NCOR1: variants seen among roughly 807,000 people sequenced by gnomAD.
NCOR1 encodes protein phosphatase 1, regulatory subunit 109.
In NCOR1, 63 loss-of-function variants were observed where a neutral mutation model predicts 288.1. The observed-to-expected ratio is 0.22, with a 90% CI of 0.18 to 0.27. The LOEUF (loss-of-function observed/expected upper bound fraction) is 0.27, where lower values mean the gene tolerates loss of function less well. Among genes scored for constraint, NCOR1 ranks in the 10% least tolerant of loss-of-function variants. The pLI is 1.00. For synonymous variants in NCOR1, 1,007 were observed against 1,065.9 expected (o/e 0.94, Z 1.08); for missense variants, 2,397 against 3,019.2 (o/e 0.79, Z 4.83).
intron 1 of NCOR1, among the ~76,000 whole-genome samples, chr17:16,199,732 G>C (rs181052558): frequency 2.0e-4 from 30 of 152,258 alleles, no homozygotes; most frequent in Admixed American, 2.6e-4. Context: ...TAGTTACATG[G>C]TTGACTCATG....
At chr17:16,088,444 A>T (rs1207662108) in intron 22 of NCOR1, among the ~76,000 whole-genome samples, 1 of 152,102 alleles carries the variant, frequency 6.6e-6, no homozygotes, top group Non-Finnish European at 1.5e-5. Flanking sequence ...CTGTGTAATA[A>T]TTTTTTCTGA....
chr17:16,065,115 T>G, intron 33 of NCOR1, 96 bp from the exon 34 acceptor site: 71 of 1,099,378 alleles, frequency 6.5e-5, no homozygotes, highest in Non-Finnish European at 8.5e-5. Flanking sequence ...GAATCAAGGG[T>G]AATTTGTACA....
chr17:16,186,423 A>G, intron 3 of NCOR1, 131 bp downstream of exon 3: 1 of 954,700 alleles, frequency 1.0e-6, no homozygotes, highest in Non-Finnish European at 1.5e-6. Context: ...CCAACAAAAA[A>G]GAACTCAAAA....
intron 33 of NCOR1, 126 bp from the exon 34 acceptor site, chr17:16,065,145 T>C: frequency 1.1e-6 from 1 of 888,746 alleles, no homozygotes; most frequent in East Asian, 2.7e-5. Flanking sequence ...TAAAAATGTT[T>C]ACTATCATCA....
At chr17:16,190,003 C>A (rs1337984088) in intron 2 of NCOR1, among the ~76,000 whole-genome samples, 1 of 152,168 alleles carries the variant, frequency 6.6e-6, no homozygotes, top group African/African-American at 2.4e-5. Flanking sequence ...GAGGGCAAGG[C>A]AGGACAGCTT....
intron 30 of NCOR1, among the ~76,000 whole-genome samples, chr17:16,071,028 C>T (rs1257863730): frequency 6.6e-6 from 1 of 152,048 alleles, no homozygotes; most frequent in Non-Finnish European, 1.5e-5. Context: ...CGCCTGTGAT[C>T]CCAGCACTTT....
intron 21 of NCOR1, among the ~76,000 whole-genome samples, chr17:16,092,993 C>T (rs988896329): frequency 2.0e-5 from 3 of 151,918 alleles, no homozygotes; most frequent in East Asian, 1.9e-4. Flanking sequence ...TATGAGCCAC[C>T]GTGCCTGGCA....
At position 16,176,465 on chromosome 17, in the gene NCOR1, C is replaced by T. The variant is rs548357987; in HGVS notation, c.243-4470G>A. The stretch of plus-strand genomic sequence containing the variant: ...TATATTTTTAGTAGAGACAGGGTTT[C>T]GCCATGTTGGCCAGGCTGGTCTCGA... On this transcript the variant is annotated intron_variant, in intron 3 of 45. Coordinates refer to ENST00000268712, the MANE Select transcript of NCOR1 (RefSeq NM_006311.4). Among the ~76,000 whole-genome samples the T allele has an allele frequency of 4.6e-5, 7 of 152,108 alleles. No individual in the cohort carries two copies. In the South Asian group the frequency reaches 8.3e-4, roughly 18 times the overall value.
At chr17:16,046,073 A>G (rs528862118) in intron 42 of NCOR1, among the ~76,000 whole-genome samples, 4 of 152,294 alleles carry the variant, frequency 2.6e-5, no homozygotes, top group Non-Finnish European at 5.9e-5. Context: ...TTGGCCTCCC[A>G]AAGTGTTGAG....
chr17:16,151,208 T>A (rs530144031), intron 8 of NCOR1, among the ~76,000 whole-genome samples: 45 of 120,046 alleles, frequency 3.7e-4, no homozygotes, highest in African/African-American at 1.1e-3. Context: ...TAATTTTTTT[T>A]TTAAAAAAAA....
At chr17:16,083,096 G>A (rs993940895) in intron 23 of NCOR1, among the ~76,000 whole-genome samples, 2 of 152,016 alleles carry the variant, frequency 1.3e-5, no homozygotes, top group African/African-American at 2.4e-5. Context: ...AGCCAGACAG[G>A]GTGGCGTGCA....
chr17:16,155,931 C>T (rs1379275439), intron 6 of NCOR1, among the ~76,000 whole-genome samples: 1 of 152,176 alleles, frequency 6.6e-6, no homozygotes, highest in Non-Finnish European at 1.5e-5. Context: ...TGCTCTCCTC[C>T]TCCCCTCCGG....
intron 7 of NCOR1, among the ~76,000 whole-genome samples, 194 bp downstream of exon 7, chr17:16,153,143 GGT>G (rs2153387112): frequency 1.3e-5 from 2 of 152,156 alleles, no homozygotes; most frequent in Non-Finnish European, 2.9e-5. Context: ...ACAAGCTCAG[GGT>G]GATGTTTCTG....
intron 1 of NCOR1, among the ~76,000 whole-genome samples, chr17:16,200,521 A>G (rs1253650686): frequency 3.1e-5 from 4 of 129,098 alleles, no homozygotes; most frequent in African/African-American, 1.2e-4. Flanking sequence ...AAAAAAAAAA[A>G]GCTAAAAATA....
chr17:16,207,396 TA>T (rs1454745084), intron 1 of NCOR1, among the ~76,000 whole-genome samples: 1 of 152,170 alleles, frequency 6.6e-6, no homozygotes, highest in African/African-American at 2.4e-5. Context: ...GGGCAATCTA[TA>T]AGCATAAAGG....
At chr17:16,185,091 A>T (rs2153520803) in intron 3 of NCOR1, among the ~76,000 whole-genome samples, 1 of 151,936 alleles carries the variant, frequency 6.6e-6, no homozygotes, top group Non-Finnish European at 1.5e-5. Flanking sequence ...GGGTGGAAAG[A>T]AAATGGGGAG....
chr17:16,103,291 C>T (rs1399995992), intron 19 of NCOR1, among the ~76,000 whole-genome samples: 1 of 152,216 alleles, frequency 6.6e-6, no homozygotes, highest in African/African-American at 2.4e-5. Context: ...GATTTTCTCT[C>T]TAAAAATTTC....
chr17:16,198,008 T>C (rs556855855), intron 1 of NCOR1, among the ~76,000 whole-genome samples: 11 of 152,068 alleles, frequency 7.2e-5, no homozygotes, highest in African/African-American at 2.4e-4. Flanking sequence ...TTTTCCCCTA[T>C]GTAAATGGTG....
At chr17:16,155,552 C>A (rs1395859024) in intron 6 of NCOR1, among the ~76,000 whole-genome samples, 1 of 152,112 alleles carries the variant, frequency 6.6e-6, no homozygotes, top group East Asian at 1.9e-4. Context: ...TGTTTAGAGA[C>A]TAAACAAACT....
Sources: gnomAD v4.1 joint callset for allele counts (sites outside exome capture counted in the v4.1 genomes callset) on GRCh38, gnomAD v4.1.1 for gene constraint, MANE v1.5 for transcripts, NCBI Gene and HGNC (gene_info 2026-07-23, HGNC 2026-07-21) for gene names.